Variants in TDRD7 observed in about 807,000 individuals in gnomAD.
TDRD7 encodes the protein tudor domain-containing protein 7.
Under a neutral mutation model 109.8 loss-of-function variants are expected in TDRD7, and 47 were observed. The ratio of observed to expected loss-of-function variants is 0.43; its 90% CI spans 0.34 to 0.55. The LOEUF is 0.55. TDRD7 is among the 20% of genes least tolerant of loss of function. The probability of loss-of-function intolerance (pLI) is 0.03; values close to 1 mark genes in which losing one functional copy is unlikely to be tolerated. For missense variants in TDRD7, 1,164 were observed against 1,319.2 expected, an observed-to-expected ratio of 0.88 and a Z score of 1.82; for synonymous variants, 424 against 457.3, an observed-to-expected ratio of 0.93 and a Z score of 0.93.
chr9:97,485,523 G>A (rs980343991), intron 15 of TDRD7, among the ~76,000 whole-genome samples: 3 of 152,148 alleles, frequency 2.0e-5, no homozygotes, highest in African/African-American at 4.8e-5. Context: ...TTAAGATGAC[G>A]CTGTTGGTGG....
intron 16 of TDRD7, among the ~76,000 whole-genome samples, chr9:97,492,622 C>T (rs1829325970): frequency 6.6e-6 from 1 of 152,194 alleles, no homozygotes; most frequent in South Asian, 2.1e-4. Flanking sequence ...AACTAAAACT[C>T]ATAGTCCAAA....
intron 16 of TDRD7, among the ~76,000 whole-genome samples, chr9:97,492,818 T>G (rs1587899249): frequency 6.6e-6 from 1 of 152,336 alleles, no homozygotes; most frequent in East Asian, 1.9e-4. Context: ...CTCCATTTTA[T>G]AATTAATTGA....
At chr9:97,451,823 G>A (rs1342979427) in intron 6 of TDRD7, among the ~76,000 whole-genome samples, 1 of 152,210 alleles carries the variant, frequency 6.6e-6, no homozygotes, top group Non-Finnish European at 1.5e-5. Context: ...AATTGAGTTG[G>A]TGGAATTCAG....
Position 97,483,121 on chromosome 9 carries a change from T to A in TDRD7, c.2685T>A (p.Ala895=). The A allele has an allele frequency of 6.2e-7, 1 of 1,614,132 alleles. No homozygotes were observed. The highest frequency in any genetic ancestry group is 8.5e-7 in the Non-Finnish European group (1 of 1,180,014). ...AGTCCATGGTGGACCATACGAGCGC[T>A]TTCTCCACAGAGGAACTGCCACCTC... The part of the protein sequence containing the change: ...IKKSMVDHTS[A]FSTEELPPPV... The change falls in exon 15 of 17, where the codon GCT becomes GCA. Residue 895 remains alanine, a synonymous_variant. Transcript: ENST00000355295.
chr9:97,433,119 T>C (rs1828133057), intron 4 of TDRD7, among the ~76,000 whole-genome samples: 1 of 152,178 alleles, frequency 6.6e-6, no homozygotes, highest in South Asian at 2.1e-4. Context: ...TTTTGTTGTA[T>C]TATATTCCTT....
chr9:97,488,792 G>A (rs184776844), intron 16 of TDRD7, among the ~76,000 whole-genome samples: 18 of 152,204 alleles, frequency 1.2e-4, no homozygotes, highest in Non-Finnish European at 2.5e-4. Flanking sequence ...ATATGCATTC[G>A]GTGCTACAAG....
intron 4 of TDRD7, among the ~76,000 whole-genome samples, chr9:97,436,585 C>G (rs1392152580): frequency 6.6e-6 from 1 of 152,054 alleles, no homozygotes; most frequent in East Asian, 1.9e-4. Context: ...TTATAGCTAT[C>G]GATCTTTTAC....
At chr9:97,464,631 C>T (rs1828791914) in intron 7 of TDRD7, among the ~76,000 whole-genome samples, 1 of 152,152 alleles carries the variant, frequency 6.6e-6, no homozygotes, top group Non-Finnish European at 1.5e-5. Flanking sequence ...GCTGGGATTA[C>T]AGGTGTGAGC....
rs1828816756 is a variant in TDRD7, at chr9:97,465,986, T to G, written c.1629+958T>G. 2.0e-5 allele frequency among the ~76,000 whole-genome samples: 3 copies of G among 152,202 alleles called. No homozygotes were observed. The South Asian group carries it at 6.2e-4, about 32-fold the overall frequency. On this transcript the variant is annotated intron_variant, in intron 8 of 16. Transcript: ENST00000355295. ...TCCCTTGTATTTATACAGAGCGCTC[T>G]TGGACTGTGAGGGGAATGTATCTAA...
intron 13 of TDRD7, chr9:97,480,314 A>T (rs1397380397): frequency 5.6e-6 from 1 of 177,114 alleles, no homozygotes; most frequent in African/African-American, 2.4e-5. Context: ...CACCCTCCTT[A>T]GTTCTCATTA....
chr9:97,462,685 C>T (rs1587880500), intron 7 of TDRD7, among the ~76,000 whole-genome samples: 3 of 152,276 alleles, frequency 2.0e-5, no homozygotes, highest in South Asian at 2.1e-4. Flanking sequence ...CATTCTTTGC[C>T]CCCCTTGCTC....
rs762022926 is a variant in TDRD7 at position 97,460,579 on chromosome 9, A to G, written c.1257A>G (p.Gln419=). 1 of 1,614,246 alleles carries G rather than the reference A, an allele frequency of 6.2e-7. No individual in the cohort carries two copies. The highest frequency in any genetic ancestry group is 8.5e-7 in the Non-Finnish European group (1 of 1,180,042). The part of the protein sequence containing the change: ...PTDKIQKDAG[Q]AHGDNDIKAM... ...ACAAAATCCAAAAGGATGCAGGGCA[A>G]GCACATGGTGATAATGATATCAAGG... is the stretch of plus-strand genomic sequence containing the variant. The change falls in exon 7 of 17, where the codon CAA becomes CAG. Residue 419 remains glutamine, a synonymous_variant. Coordinates refer to ENST00000355295, the MANE Select transcript of TDRD7 (RefSeq NM_014290.3).
intron 12 of TDRD7, among the ~76,000 whole-genome samples, chr9:97,477,973 A>G (rs557458056): frequency 6.6e-6 from 1 of 152,286 alleles, no homozygotes; most frequent in East Asian, 1.9e-4. Flanking sequence ...AACAATGTTT[A>G]GTAGGCTGGG....
At chr9:97,461,949 G>A (rs1828732698) in intron 7 of TDRD7, among the ~76,000 whole-genome samples, 1 of 152,222 alleles carries the variant, frequency 6.6e-6, no homozygotes, top group Non-Finnish European at 1.5e-5. Flanking sequence ...TGAAATCTGA[G>A]TAGATAATAG....
chr9:97,480,748 T>C (rs1374279091), intron 13 of TDRD7, 80 bp from the exon 14 acceptor site: 4 of 1,170,718 alleles, frequency 3.4e-6, no homozygotes, highest in Admixed American at 3.4e-5. Context: ...ATTTGATTTG[T>C]AGGAAAATAA....
chr9:97,424,049 CTTTTTTTTT>C (rs56369544), intron 1 of TDRD7, among the ~76,000 whole-genome samples: 2 of 48,866 alleles, frequency 4.1e-5, no homozygotes, highest in Non-Finnish European at 3.4e-5. Flanking sequence ...CTTTTATATT[CTTTTTTTTT>C]TTTTTTTTTT....
At chr9:97,431,891 G>A in intron 3 of TDRD7, 134 bp from the exon 4 acceptor site, 1 of 834,774 alleles carries the variant, frequency 1.2e-6, no homozygotes. Context: ...GCCCTCCAGT[G>A]GCAACCTCCT....
chr9:97,455,919 A>G (rs1828598840), intron 6 of TDRD7, among the ~76,000 whole-genome samples: 1 of 152,182 alleles, frequency 6.6e-6, no homozygotes, highest in Non-Finnish European at 1.5e-5. Context: ...TTATATTTAG[A>G]AAACCCCATT....
intron 1 of TDRD7, among the ~76,000 whole-genome samples, chr9:97,420,169 A>G (rs578128927): frequency 2.0e-5 from 3 of 152,248 alleles, no homozygotes; most frequent in South Asian, 2.1e-4. Flanking sequence ...GTATACCCAT[A>G]CAGTGGAATA....
Sources: allele counts gnomAD v4.1 joint callset (sites outside exome capture counted in the v4.1 genomes callset), GRCh38; gene constraint gnomAD v4.1.1; transcripts MANE v1.5; gene names NCBI Gene and HGNC (gene_info 2026-07-23, HGNC 2026-07-21).